The following IL23R variants were observed in gnomAD, a reference collection of about 807,000 sequenced individuals.
IL23R encodes the protein interleukin-23 receptor.
A neutral mutation model predicts 56.9 loss-of-function variants in IL23R; 34 were observed. The observed-to-expected ratio is 0.60, with a 90% confidence interval of 0.45 to 0.80. The LOEUF (loss-of-function observed/expected upper bound fraction) is 0.80, where lower values mean the gene tolerates loss of function less well. Ranked by LOEUF, IL23R falls within the 30% of genes least tolerant of loss-of-function variation. IL23R has a pLI of 0.00. For missense variants in IL23R, 635 were observed against 730.0 expected, an observed-to-expected ratio of 0.87 and a Z score of 1.50; for synonymous variants, 230 against 249.2, an observed-to-expected ratio of 0.92 and a Z score of 0.73.
chr1:67,241,452 C>T (rs755707901), intron 9 of IL23R, among the ~76,000 whole-genome samples: 5 of 152,136 alleles, frequency 3.3e-5, no homozygotes. Context: ...AGTGCATGAG[C>T]TCAGTCCAAA....
chr1:67,241,131 T>TC (rs1651824636), intron 9 of IL23R, among the ~76,000 whole-genome samples: 1 of 152,222 alleles, frequency 6.6e-6, no homozygotes. Context: ...CTTTAATAAT[T>TC]CCCCCCTTTT....
At chr1:67,186,022 A>G (rs1250015973) in intron 4 of IL23R, among the ~76,000 whole-genome samples, 1 of 152,234 alleles carries the variant, frequency 6.6e-6, no homozygotes, top group Non-Finnish European at 1.5e-5. Context: ...GTAAAGGAGC[A>G]GGGATTCTAA....
At chr1:67,146,136 T>A (rs1485325882) in intron 1 of IL23R, among the ~76,000 whole-genome samples, 1 of 152,180 alleles carries the variant, frequency 6.6e-6, no homozygotes, top group South Asian at 2.1e-4. Flanking sequence ...GAGTAACAGA[T>A]GACTGCAGCC....
chr1:67,209,317 C>T (rs908945372), intron 6 of IL23R, among the ~76,000 whole-genome samples: 2 of 152,026 alleles, frequency 1.3e-5, no homozygotes, highest in African/African-American at 2.4e-5. Context: ...TGTGAGGACA[C>T]GAATTTGGAG....
At chr1:67,211,435 T>C (rs1483498891) in intron 6 of IL23R, among the ~76,000 whole-genome samples, 1 of 152,078 alleles carries the variant, frequency 6.6e-6, no homozygotes, top group Non-Finnish European at 1.5e-5. Flanking sequence ...AGACTGGCCA[T>C]CATGGCAAAA....
chr1:67,265,104 A>G, the IL23R span, among the ~76,000 whole-genome samples: 1 of 152,232 alleles, frequency 6.6e-6, no homozygotes, highest in Non-Finnish European at 1.5e-5. Context: ...ATAGCCAAAC[A>G]CTGGAACACA....
chr1:67,207,446 C>T (rs1649153295), intron 6 of IL23R, among the ~76,000 whole-genome samples: 1 of 152,152 alleles, frequency 6.6e-6, no homozygotes, highest in Non-Finnish European at 1.5e-5. Context: ...TGCATCCCCA[C>T]CAAATCGCAA....
At chr1:67,228,014 CTTT>C (rs1558254055) in intron 7 of IL23R, among the ~76,000 whole-genome samples, 2 of 82,852 alleles carry the variant, frequency 2.4e-5, no homozygotes, top group Admixed American at 1.3e-4. Context: ...TTCTTTCTTT[CTTT>C]CTTCCTTTCT....
At chr1:67,165,929 A>G (rs1416572607), upstream of IL23R, among the ~76,000 whole-genome samples, 1 of 152,252 alleles carries the variant, frequency 6.6e-6, no homozygotes, top group African/African-American at 2.4e-5. Flanking sequence ...TGAATTATAC[A>G]GCATACTTGA....
intron 9 of IL23R, among the ~76,000 whole-genome samples, chr1:67,245,335 C>T (rs1159419997): frequency 6.6e-5 from 10 of 152,150 alleles, no homozygotes; most frequent in Admixed American, 6.5e-4. Flanking sequence ...GCCAGAACTT[C>T]CAATACTATG....
At chr1:67,215,330 G>C (rs905847959) in intron 6 of IL23R, among the ~76,000 whole-genome samples, 1 of 152,138 alleles carries the variant, frequency 6.6e-6, no homozygotes, top group African/African-American at 2.4e-5. Context: ...AGCTTTGCTG[G>C]AATTGGGCAT....
intron 1 of IL23R, among the ~76,000 whole-genome samples, chr1:67,154,956 C>T (rs1394969729): frequency 6.6e-6 from 1 of 152,088 alleles, no homozygotes; most frequent in African/African-American, 2.4e-5. Context: ...TTCAGTGCTT[C>T]CTTCAGGAGC....
chr1:67,186,593 G>A (rs186342479), intron 4 of IL23R, among the ~76,000 whole-genome samples: 2 of 152,212 alleles, frequency 1.3e-5, no homozygotes, highest in Admixed American at 1.3e-4. Flanking sequence ...TATAATATGT[G>A]GTCTTTTGTG....
intron 3 of IL23R, among the ~76,000 whole-genome samples, chr1:67,175,837 G>A (rs565970732): frequency 2.0e-5 from 3 of 152,208 alleles, no homozygotes; most frequent in Non-Finnish European, 2.9e-5. Context: ...TTCTTGTCTC[G>A]TTTTTGAGAC....
intron 7 of IL23R, among the ~76,000 whole-genome samples, chr1:67,233,180 CT>C (rs1651214763): frequency 8.1e-6 from 1 of 123,866 alleles, no homozygotes; most frequent in Non-Finnish European, 1.6e-5. Context: ...GAAATCCTGT[CT>C]CTACTAAAAA....
intron 9 of IL23R, among the ~76,000 whole-genome samples, chr1:67,254,593 ATATT>A (rs1293510192): frequency 3.3e-5 from 5 of 152,164 alleles, no homozygotes; most frequent in Non-Finnish European, 7.3e-5. Flanking sequence ...TAAAGAAATA[ATATT>A]TACCCTAAAG....
At chr1:67,196,034 G>A (rs951823952) in intron 4 of IL23R, 7 of 152,366 alleles carry the variant, frequency 4.6e-5, no homozygotes, top group African/African-American at 1.7e-4. Flanking sequence ...GAGCCTTGGT[G>A]GAGGGACAGT....
chr1:67,228,787 C>T (rs901380837), intron 7 of IL23R, among the ~76,000 whole-genome samples: 1 of 152,156 alleles, frequency 6.6e-6, no homozygotes, highest in African/African-American at 2.4e-5. Context: ...AAGCCAGAAG[C>T]ATAGCATCTT....
At chr1:67,158,066 AT>A (rs1489193451) in intron 1 of IL23R, among the ~76,000 whole-genome samples, 1 of 152,116 alleles carries the variant, frequency 6.6e-6, no homozygotes, top group Non-Finnish European at 1.5e-5. Context: ...AAATACAAAA[AT>A]TAGCTGGGCA....
Sources: allele counts gnomAD v4.1 joint callset (sites outside exome capture counted in the v4.1 genomes callset), GRCh38; gene constraint gnomAD v4.1.1; transcripts MANE v1.5; gene names NCBI Gene and HGNC (gene_info 2026-07-23, HGNC 2026-07-21).